The following TCERG1L variants were observed in gnomAD, a reference collection of about 807,000 sequenced individuals.
TCERG1L encodes transcription elongation regulator 1-like protein.
A neutral mutation model predicts 56.3 loss-of-function variants in TCERG1L; 37 were observed. The observed-to-expected ratio is 0.66, with a 90% CI of 0.51 to 0.87. TCERG1L has a LOEUF of 0.87. Among genes scored for constraint, TCERG1L ranks in the 40% least tolerant of loss-of-function variants. The pLI is 0.00. For missense variants in TCERG1L, 799 were observed against 774.2 expected, an observed-to-expected ratio of 1.03 and a Z score of -0.38; for synonymous variants, 324 against 326.3, an observed-to-expected ratio of 0.99 and a Z score of 0.08.
At chr10:131,146,309 C>T (rs1018429845) in intron 7 of TCERG1L, among the ~76,000 whole-genome samples, 197 bp downstream of exon 7, 4 of 152,194 alleles carry the variant, frequency 2.6e-5, no homozygotes, top group African/African-American at 4.8e-5. Context: ...CAGCCAGAGC[C>T]GACCGCTTGG....
chr10:131,275,891 C>G (rs1372097601), intron 3 of TCERG1L, among the ~76,000 whole-genome samples: 2 of 152,180 alleles, frequency 1.3e-5, no homozygotes, highest in Non-Finnish European at 2.9e-5. Context: ...ACGTGGACGC[C>G]TGGGCATGAC....
chr10:131,098,467 A>T, intron 10 of TCERG1L, 43 bp from the exon 11 acceptor site: 1 of 1,520,326 alleles, frequency 6.6e-7, no homozygotes, highest in Non-Finnish European at 8.8e-7. Flanking sequence ...GAAATTGCAT[A>T]TCAGAAATGA....
chr10:131,102,991 A>C (rs1219275384), intron 10 of TCERG1L, among the ~76,000 whole-genome samples: 1 of 151,836 alleles, frequency 6.6e-6, no homozygotes, highest in Non-Finnish European at 1.5e-5. Flanking sequence ...CTCTCCTTAA[A>C]ATAGTCCCCG....
intron 6 of TCERG1L, among the ~76,000 whole-genome samples, chr10:131,153,692 C>T (rs1384649512): frequency 6.6e-6 from 1 of 152,232 alleles, no homozygotes; most frequent in African/African-American, 2.4e-5. Context: ...GATGCAGAGA[C>T]ACCCAAGGTG....
Position 131,118,243 on chromosome 10 carries a change from C to G in TCERG1L, c.1260-1309G>C, listed in dbSNP as rs1483578362. Among the ~76,000 whole-genome samples, 3 of 152,206 alleles carry G rather than the reference C, an allele frequency of 2.0e-5. No homozygotes were observed. The highest frequency in any genetic ancestry group is 4.4e-5 in the Non-Finnish European group (3 of 68,038). On this transcript the variant is annotated intron_variant, in intron 8 of 11. Coordinates refer to ENST00000368642, the MANE Select transcript of TCERG1L (RefSeq NM_174937.4). This position sits in a 1 kb window ranked among gnomAD's most constrained non-coding sequence, Gnocchi z 4.2. The stretch of plus-strand genomic sequence containing the variant: ...CTTAGGGCCTCCTACATTCTGGGAG[C>G]TCCCTAAGTGCTCGGAGATGTAGGA...
intron 4 of TCERG1L, among the ~76,000 whole-genome samples, chr10:131,253,547 G>A (rs1455764073): frequency 6.6e-6 from 1 of 152,184 alleles, no homozygotes; most frequent in African/African-American, 2.4e-5. Flanking sequence ...TTAATGCTGA[G>A]CTGACCAGCA....
chr10:131,269,993 G>C (rs934494985), intron 3 of TCERG1L, among the ~76,000 whole-genome samples: 1 of 152,186 alleles, frequency 6.6e-6, no homozygotes, highest in Non-Finnish European at 1.5e-5. Context: ...GGCAAGAGGA[G>C]CGCACTTCAG....
At chr10:131,194,900 C>T (rs1187669298) in intron 4 of TCERG1L, among the ~76,000 whole-genome samples, 1 of 152,190 alleles carries the variant, frequency 6.6e-6, no homozygotes, top group Non-Finnish European at 1.5e-5. Flanking sequence ...TATATACACA[C>T]ATGCTATTTT....
chr10:131,161,959 G>A (rs1310040797), intron 6 of TCERG1L: 1 of 152,242 alleles, frequency 6.6e-6, no homozygotes, highest in East Asian at 1.9e-4. Flanking sequence ...GTAATCCTAA[G>A]TAAAGCGCTT....
chr10:131,311,423 G>C lies in TCERG1L; in HGVS notation c.213C>G (p.Ala71=), dbSNP rs1420871367. ...VLLASAPPPA[A]PLLPGLPGWP... ...AGCCGGGGAGACCGGGGAGCAGCGG[G>C]GCCGCGGGCGGCGGGGCCGAGGCGA... Residue 71 remains alanine (A), a synonymous_variant, in exon 1 of 12, where the codon GCC becomes GCG. Transcript: ENST00000368642. The surrounding 1 kb of genome is among the most constrained non-coding windows in gnomAD (Gnocchi z 4.0). The C allele has an allele frequency of 1.7e-6, 2 of 1,178,250 alleles. No homozygotes were observed. The highest frequency in any genetic ancestry group is 4.2e-5 in the South Asian group (1 of 23,990). 73.0% of individuals were successfully genotyped at this position (1,178,250 alleles called of 1,614,324 possible).
At chr10:131,184,219 T>A (rs1363852157) in intron 4 of TCERG1L, among the ~76,000 whole-genome samples, 1 of 152,248 alleles carries the variant, frequency 6.6e-6, no homozygotes, top group East Asian at 1.9e-4. Context: ...TGGCCCATAT[T>A]TCTATTCTAG....
intron 6 of TCERG1L, among the ~76,000 whole-genome samples, chr10:131,159,141 G>C (rs1383613770): frequency 6.6e-6 from 1 of 152,242 alleles, no homozygotes; most frequent in Non-Finnish European, 1.5e-5. Context: ...AGGAAAAGGG[G>C]CAGTGTGCCC....
At position 131,113,100 on chromosome 10, in the gene TCERG1L, C is replaced by T. The variant is rs150287729; in HGVS notation, c.1395+3699G>A. Among the ~76,000 whole-genome samples, 195 of 142,946 alleles carry T rather than the reference C, an allele frequency of 1.4e-3. 36 individuals carry two copies. The highest frequency in any genetic ancestry group is 2.4e-3 in the Non-Finnish European group (150 of 63,362). The allele number at this position is 142,946 out of a possible 152,430, so 93.8% of individuals were successfully genotyped here. A position where few individuals can be genotyped will look rare whatever the true frequency, so the allele number is the denominator to read the frequency against. On this transcript the variant is annotated intron_variant, in intron 9 of 11. Transcript: ENST00000368642. ...CTACCTCGCGGCACATCAATGCCTA[C>T]CCCCATCTTCAGTGCTCAGAGTATT...
At chr10:131,309,107 T>A in intron 2 of TCERG1L, 46 bp downstream of exon 2, 1 of 1,575,626 alleles carries the variant, frequency 6.3e-7, no homozygotes, top group South Asian at 1.2e-5. Context: ...TTCGACAACT[T>A]AATCATTAAA....
intron 4 of TCERG1L, among the ~76,000 whole-genome samples, chr10:131,170,572 C>G (rs1846079067): frequency 6.6e-6 from 1 of 151,996 alleles, no homozygotes; most frequent in Non-Finnish European, 1.5e-5. Context: ...TGATGAGAGA[C>G]AAAGAGAACT....
chr10:131,094,012 G>A (rs1845214467), intron 11 of TCERG1L, among the ~76,000 whole-genome samples: 1 of 152,230 alleles, frequency 6.6e-6, no homozygotes, highest in Non-Finnish European at 1.5e-5. Flanking sequence ...GAGCTGCCAG[G>A]CCAGGTGGTG....
intron 9 of TCERG1L, among the ~76,000 whole-genome samples, chr10:131,108,103 T>G (rs1469873341): frequency 2.0e-5 from 3 of 152,176 alleles, no homozygotes; most frequent in Middle Eastern, 3.2e-3. Context: ...GTCTATGTCG[T>G]GGGACTGTTC....
chr10:131,094,599 C>G (rs956600753), intron 11 of TCERG1L, among the ~76,000 whole-genome samples: 1 of 152,166 alleles, frequency 6.6e-6, no homozygotes, highest in African/African-American at 2.4e-5. Flanking sequence ...ACACATCTCT[C>G]GCAAGAAAAG....
intron 4 of TCERG1L, among the ~76,000 whole-genome samples, chr10:131,253,946 G>A (rs935558346): frequency 3.3e-5 from 5 of 151,806 alleles, no homozygotes; most frequent in South Asian, 4.2e-4. Context: ...AATTGCCGGC[G>A]ATGATAAATG....
Sources: allele counts gnomAD v4.1 joint callset (sites outside exome capture counted in the v4.1 genomes callset), GRCh38; gene constraint gnomAD v4.1.1; non-coding constraint Gnocchi (gnomAD v3.1); transcripts MANE v1.5; gene names NCBI Gene and HGNC (gene_info 2026-07-23, HGNC 2026-07-21).